UBE2E3: variants seen among roughly 807,000 people sequenced by gnomAD.
UBE2E3 encodes ubiquitin-conjugating enzyme E2 E3.
UBE2E3 carries 5 observed loss-of-function variants against 23.6 expected under a neutral mutation model. The observed-to-expected ratio is 0.21, with a 90% CI of 0.11 to 0.44. UBE2E3 has a LOEUF of 0.44. Ranked by LOEUF, UBE2E3 falls within the 20% of genes least tolerant of loss-of-function variation. The pLI is 0.99. For missense variants in UBE2E3, 81 were observed against 249.8 expected (o/e 0.32, Z 4.55); for synonymous variants, 78 against 87.5 (o/e 0.89, Z 0.60).
chr2:181,012,641 A>G (rs1019216226), intron 3 of UBE2E3, among the ~76,000 whole-genome samples: 1 of 152,238 alleles, frequency 6.6e-6, no homozygotes, highest in African/African-American at 2.4e-5. Context: ...CTGACTGAGT[A>G]AAATGAGTGC....
intron 4 of UBE2E3, among the ~76,000 whole-genome samples, chr2:181,058,650 A>G (rs1687049809): frequency 6.6e-6 from 1 of 151,770 alleles, no homozygotes; most frequent in Non-Finnish European, 1.5e-5. Context: ...CTTTTCCAAC[A>G]TGGTGACTTT....
intron 3 of UBE2E3, among the ~76,000 whole-genome samples, chr2:180,985,363 A>AT (rs144051685): frequency 2.0e-5 from 3 of 152,238 alleles, no homozygotes; most frequent in Non-Finnish European, 4.4e-5. Context: ...TAAGGGTAAA[A>AT]TTTATACACA....
chr2:181,043,296 A>C (rs562249661), intron 3 of UBE2E3, among the ~76,000 whole-genome samples: 1 of 152,244 alleles, frequency 6.6e-6, no homozygotes, highest in Non-Finnish European at 1.5e-5. Context: ...AGTAGCATAT[A>C]AATTCAAGAG....
At chr2:181,040,782 T>G (rs1005821861) in intron 3 of UBE2E3, among the ~76,000 whole-genome samples, 1 of 152,214 alleles carries the variant, frequency 6.6e-6, no homozygotes, top group African/African-American at 2.4e-5. Flanking sequence ...ATTTAACAGT[T>G]TCTGGAATTT....
Position 181,045,302 on chromosome 2 carries a change from A to G in UBE2E3, c.246-12391A>G, listed in dbSNP as rs190569767. ...AGGGAAGTTTTCCAAGGAGGCTGGC[A>G]TGCCCCTGGCTGAGCCCAGCAAAGC... On this transcript the variant is annotated intron_variant, in intron 3 of 5. Transcript: ENST00000410062. Among the ~76,000 whole-genome samples, 305 of 152,322 alleles carry G rather than the reference A, an allele frequency of 2.0e-3. 2 individuals are homozygous for G. Among genetic ancestry groups the G allele is most frequent in the African/African-American group, 6.5e-3 (270 of 41,580 alleles).
intron 3 of UBE2E3, among the ~76,000 whole-genome samples, chr2:181,039,803 A>G (rs888178456): frequency 2.0e-5 from 3 of 152,232 alleles, no homozygotes; most frequent in Non-Finnish European, 4.4e-5. Flanking sequence ...ACAGATACCA[A>G]AATTCTCAAA....
chr2:181,021,558 TCCTTCCTTCCTTCCTC>T (rs1685680313), intron 3 of UBE2E3, among the ~76,000 whole-genome samples: 21 of 56,548 alleles, frequency 3.7e-4, no homozygotes, highest in Non-Finnish European at 4.4e-4. Flanking sequence ...TATACTCCCT[TCCTTCCTTCCTTCCTC>T]CCTCCCTCCC....
Position 180,981,871 on chromosome 2 carries a change from CGT to C in UBE2E3, c.-25-146_-25-145del. 1.3e-5 allele frequency: 6 copies of C among 464,200 alleles called. 1 individual carries two copies. Among genetic ancestry groups the C allele is most frequent in the East Asian group, 7.5e-5 (2 of 26,600 alleles). The allele number at this position is 464,200 out of a possible 1,614,324, so 28.8% of individuals were successfully genotyped here. On this transcript the variant is annotated intron_variant, in intron 1 of 5. Coordinates refer to ENST00000410062, the MANE Select transcript of UBE2E3 (RefSeq NM_006357.4). ...TGTGTGACACATCACCTCCCTTGTACGTACCCCTGTTGTACGATGAAATAAGT... is the reference window on the plus strand; with the variant it reads ...TGTGTGACACATCACCTCCCTTGTACACCCCTGTTGTACGATGAAATAAGT...
intron 3 of UBE2E3, among the ~76,000 whole-genome samples, chr2:181,000,393 A>G (rs1684955089): frequency 6.6e-6 from 1 of 152,120 alleles, no homozygotes; most frequent in Non-Finnish European, 1.5e-5. Flanking sequence ...ATAGGCATAT[A>G]TATTACTGGT....
At chr2:181,050,466 CAG>C (rs1482058423) in intron 3 of UBE2E3, among the ~76,000 whole-genome samples, 1 of 151,760 alleles carries the variant, frequency 6.6e-6, no homozygotes, top group East Asian at 1.9e-4. Flanking sequence ...GACACTTAAG[CAG>C]AGATGGAACA....
At chr2:181,037,703 C>G (rs1329876082) in intron 3 of UBE2E3, among the ~76,000 whole-genome samples, 1 of 152,142 alleles carries the variant, frequency 6.6e-6, no homozygotes. Context: ...CAGCCAGGCT[C>G]ACACCTGTAA....
chr2:181,046,993 C>T (rs193130783), intron 3 of UBE2E3, among the ~76,000 whole-genome samples: 1 of 152,270 alleles, frequency 6.6e-6, no homozygotes, highest in East Asian at 1.9e-4. Context: ...CAGAGCACCA[C>T]ATCCTTTTTA....
At chr2:181,047,027 C>T (rs889564298) in intron 3 of UBE2E3, among the ~76,000 whole-genome samples, 14 of 152,122 alleles carry the variant, frequency 9.2e-5, no homozygotes, top group Admixed American at 3.3e-4. Context: ...TTAGCATTTC[C>T]TTCTGTATTT....
intron 3 of UBE2E3, among the ~76,000 whole-genome samples, chr2:181,044,756 C>T (rs1686621769): frequency 6.6e-6 from 1 of 152,120 alleles, no homozygotes; most frequent in South Asian, 2.1e-4. Context: ...ATGGTTCTTA[C>T]ATTAATCACT....
At chr2:181,004,968 C>CT (rs1685102308) in intron 3 of UBE2E3, among the ~76,000 whole-genome samples, 1 of 152,172 alleles carries the variant, frequency 6.6e-6, no homozygotes, top group African/African-American at 2.4e-5. Context: ...TTTGCATATA[C>CT]TTGCATACTG....
At chr2:180,996,802 AC>A (rs1684833791) in intron 3 of UBE2E3, among the ~76,000 whole-genome samples, 1 of 152,236 alleles carries the variant, frequency 6.6e-6, no homozygotes, top group Non-Finnish European at 1.5e-5. Context: ...TGTGTTTCTT[AC>A]ATAAAATGTA....
chr2:180,991,314 T>G (rs939042024), intron 3 of UBE2E3, among the ~76,000 whole-genome samples: 17 of 152,314 alleles, frequency 1.1e-4, no homozygotes, highest in African/African-American at 4.1e-4. Flanking sequence ...TTTTTTCCTA[T>G]ACATACATAC....
chr2:181,058,773 G>C (rs891086733), intron 4 of UBE2E3, among the ~76,000 whole-genome samples: 2 of 151,830 alleles, frequency 1.3e-5, no homozygotes, highest in African/African-American at 4.8e-5. Flanking sequence ...GAATAAAAGA[G>C]GGTTATTTCT....
intron 3 of UBE2E3, among the ~76,000 whole-genome samples, chr2:181,023,134 G>GC (rs1685760735): frequency 6.6e-6 from 1 of 152,140 alleles, no homozygotes; most frequent in African/African-American, 2.4e-5. Context: ...GTGGGGCCGC[G>GC]CCCCAATAAA....
Sources: gnomAD v4.1 joint callset for allele counts (sites outside exome capture counted in the v4.1 genomes callset) on GRCh38, gnomAD v4.1.1 for gene constraint, MANE v1.5 for transcripts, NCBI Gene and HGNC (gene_info 2026-07-23, HGNC 2026-07-21) for gene names.